CDH13: variants seen among roughly 807,000 people sequenced by gnomAD.
CDH13 encodes cadherin-13.
CDH13 carries 24 observed loss-of-function variants against 63.8 expected under a neutral mutation model. The observed-to-expected ratio is 0.38, with a 90% confidence interval of 0.27 to 0.53. The LOEUF (loss-of-function observed/expected upper bound fraction) is 0.53, where lower values mean the gene tolerates loss of function less well. CDH13 is among the 20% of genes least tolerant of loss of function. CDH13 has a pLI of 0.85. For missense variants in CDH13, 1,049 were observed against 903.1 expected, an observed-to-expected ratio of 1.16 and a Z score of -2.07; for synonymous variants, 503 against 355.3, an observed-to-expected ratio of 1.42 and a Z score of -4.67.
intron 1 of CDH13, among the ~76,000 whole-genome samples, chr16:82,736,653 C>A (rs1168605403): frequency 6.6e-6 from 1 of 152,098 alleles, no homozygotes; most frequent in Non-Finnish European, 1.5e-5. Context: ...TTCAAGTCTC[C>A]CATGGTTAAT....
At chr16:83,434,883 A>G (rs58412141) in intron 6 of CDH13, among the ~76,000 whole-genome samples, 37,573 of 87,630 alleles carry the variant, frequency 0.43, 5,914 homozygotes, top group East Asian at 0.53. Flanking sequence ...GTGTGTGTGT[A>G]TGTGTATTTA....
chr16:83,644,294 T>C (rs954756597), intron 8 of CDH13, among the ~76,000 whole-genome samples: 1 of 152,250 alleles, frequency 6.6e-6, no homozygotes, highest in African/African-American at 2.4e-5. Flanking sequence ...AACAATATGC[T>C]ACTTCATTCC....
intron 7 of CDH13, among the ~76,000 whole-genome samples, chr16:83,490,396 A>G (rs1246947053): frequency 6.6e-6 from 1 of 152,180 alleles, no homozygotes; most frequent in Admixed American, 6.5e-5. Context: ...ATAGTCACAC[A>G]GGGCAGTGTA....
intron 4 of CDH13, among the ~76,000 whole-genome samples, chr16:83,193,100 A>G (rs2038773420): frequency 6.6e-6 from 1 of 152,050 alleles, no homozygotes; most frequent in Admixed American, 6.6e-5. Context: ...ATCTGCACCT[A>G]CAGGCATTGC....
At chr16:82,666,344 A>T (rs1297133250) in intron 1 of CDH13, among the ~76,000 whole-genome samples, 2 of 152,226 alleles carry the variant, frequency 1.3e-5, no homozygotes, top group Admixed American at 6.5e-5. Context: ...AAGGCAGTTG[A>T]TCCTACTTTC....
At chr16:83,235,970 T>G (rs2151809014) in intron 5 of CDH13, among the ~76,000 whole-genome samples, 1 of 152,328 alleles carries the variant, frequency 6.6e-6, no homozygotes, top group Non-Finnish European at 1.5e-5. Flanking sequence ...TGACTGCAAT[T>G]GAAACTCATG....
intron 3 of CDH13, among the ~76,000 whole-genome samples, chr16:83,110,545 C>T (rs1473486560): frequency 6.6e-6 from 1 of 152,202 alleles, no homozygotes; most frequent in Non-Finnish European, 1.5e-5. Context: ...GTAGTGAAGG[C>T]AGCACATGCT....
chr16:83,398,846 C>T (rs75920004), intron 6 of CDH13, among the ~76,000 whole-genome samples: 2,802 of 152,260 alleles, frequency 0.018, 95 homozygotes, highest in African/African-American at 0.064. Flanking sequence ...CCCATTAAGC[C>T]AGATGCATAG....
chr16:83,315,591 C>T (rs2090088447), intron 5 of CDH13, among the ~76,000 whole-genome samples: 3 of 151,288 alleles, frequency 2.0e-5, no homozygotes. Flanking sequence ...GCAATATTTG[C>T]TTCGGGGGAA....
intron 2 of CDH13, among the ~76,000 whole-genome samples, chr16:82,945,887 G>T (rs1014746362): frequency 6.6e-6 from 1 of 151,996 alleles, no homozygotes; most frequent in African/African-American, 2.4e-5. Flanking sequence ...CATTTCCTAG[G>T]GACACTCTCA....
intron 1 of CDH13, among the ~76,000 whole-genome samples, chr16:82,718,705 G>T (rs551899017): frequency 6.6e-6 from 1 of 152,152 alleles, no homozygotes; most frequent in East Asian, 1.9e-4. Flanking sequence ...AAGAGAACTC[G>T]TGCAGGGAAA....
At chr16:82,642,852 T>G (rs1909588895) in intron 1 of CDH13, among the ~76,000 whole-genome samples, 2 of 152,226 alleles carry the variant, frequency 1.3e-5, no homozygotes, top group South Asian at 4.1e-4. Flanking sequence ...TTAATCCCAT[T>G]TCATAGGTGG....
intron 8 of CDH13, among the ~76,000 whole-genome samples, chr16:83,604,983 G>C (rs1908191020): frequency 6.6e-6 from 1 of 152,178 alleles, no homozygotes; most frequent in African/African-American, 2.4e-5. Context: ...CTAAAGGTTA[G>C]CTACCATTCC....
At position 82,970,606 on chromosome 16, in the gene CDH13, A is replaced by G. The variant is rs1908595138; in HGVS notation, c.158-61404A>G. Among the ~76,000 whole-genome samples, 2 of 117,376 alleles carry G rather than the reference A, an allele frequency of 1.7e-5. 1 individual carries two copies. Among genetic ancestry groups the G allele is most frequent in the South Asian group, 4.8e-4 (2 of 4,150 alleles). The allele number at this position is 117,376 out of a possible 152,430, so 77.0% of individuals were successfully genotyped here. ...AGTAGAGACGGGGTTTCACCTTGTT[A>G]GCCAGGATGGTCTCAATCTCCTGAC... On this transcript the variant is annotated intron_variant, in intron 2 of 13. Transcript: ENST00000567109.
intron 1 of CDH13, among the ~76,000 whole-genome samples, chr16:82,710,254 T>G (rs1240354855): frequency 2.7e-5 from 4 of 146,408 alleles, no homozygotes; most frequent in Admixed American, 2.1e-4. Flanking sequence ...TATATTTATA[T>G]AAAATATAAA....
At chr16:82,803,227 A>C (rs1231791288) in intron 1 of CDH13, among the ~76,000 whole-genome samples, 1 of 152,242 alleles carries the variant, frequency 6.6e-6, no homozygotes, top group East Asian at 1.9e-4. Context: ...ATGGTGCTTG[A>C]ATAGCACCAC....
intron 2 of CDH13, among the ~76,000 whole-genome samples, chr16:82,866,934 G>C (rs2040170196): frequency 6.6e-6 from 1 of 152,216 alleles, no homozygotes; most frequent in African/African-American, 2.4e-5. Context: ...TTATGGGTAT[G>C]ACAGTTCAAG....
At chr16:83,667,631 T>C (rs1009514949) in intron 8 of CDH13, among the ~76,000 whole-genome samples, 1 of 152,094 alleles carries the variant, frequency 6.6e-6, no homozygotes. Context: ...TAGGGTAAAA[T>C]AAATTTTTAA....
At chr16:82,827,762 G>A (rs1407473997) in intron 1 of CDH13, among the ~76,000 whole-genome samples, 1 of 152,166 alleles carries the variant, frequency 6.6e-6, no homozygotes, top group East Asian at 1.9e-4. Flanking sequence ...AGACCTGATA[G>A]TGGTTGGGTT....
Sources: gnomAD v4.1 joint callset for allele counts (sites outside exome capture counted in the v4.1 genomes callset) on GRCh38, gnomAD v4.1.1 for gene constraint, MANE v1.5 for transcripts, NCBI Gene and HGNC (gene_info 2026-07-23, HGNC 2026-07-21) for gene names.